Variants in ADGRL3 observed in about 807,000 individuals in gnomAD.
The protein encoded by ADGRL3 is calcium-independent alpha-latrotoxin receptor 3.
A neutral mutation model predicts 153.5 loss-of-function variants in ADGRL3; 62 were observed. The observed-to-expected ratio is 0.40, with a 90% CI of 0.33 to 0.50. The LOEUF is 0.50. ADGRL3 is among the 20% of genes least tolerant of loss of function. The pLI is 0.47. For synonymous variants in ADGRL3, 710 were observed against 672.5 expected (o/e 1.06, Z -0.86); for missense variants, 1,641 against 1,859.4 (o/e 0.88, Z 2.16).
In ADGRL3 at chr4:61,833,958, C is replaced by CTT. The variant is rs113049750; in HGVS notation, c.1480+20087_1480+20088dup. 2.3e-3 allele frequency among the ~76,000 whole-genome samples: 278 copies of CTT among 123,422 alleles called. 1 individual carries two copies. In the East Asian group the frequency reaches 0.039, roughly 17 times the overall value. The allele number at this position is 123,422 out of a possible 152,430, so 81.0% of individuals were successfully genotyped here. Reference sequence around the variant, plus strand: ...AGTCATAATTTTGCAAAGGCAGCTTCTTTTTTTTTTTTTTTTTTTATTGTA... The same window carrying CTT: ...AGTCATAATTTTGCAAAGGCAGCTTCTTTTTTTTTTTTTTTTTTTTTATTGTA... On this transcript the variant is annotated intron_variant, in intron 9 of 26. Transcript: ENST00000683033.
At chr4:61,490,632 A>G (rs1399632670) in intron 2 of ADGRL3, among the ~76,000 whole-genome samples, 1 of 152,074 alleles carries the variant, frequency 6.6e-6, no homozygotes, top group African/African-American at 2.4e-5. Flanking sequence ...GCTGCTGACT[A>G]AACTCAGTGG....
chr4:62,003,204 G>C (rs2099146472), intron 21 of ADGRL3, among the ~76,000 whole-genome samples: 1 of 151,974 alleles, frequency 6.6e-6, no homozygotes, highest in Non-Finnish European at 1.5e-5. Context: ...TCTCATCAAA[G>C]GACTTCTGCA....
intron 5 of ADGRL3, among the ~76,000 whole-genome samples, chr4:61,604,204 C>T (rs1175264931): frequency 6.6e-6 from 1 of 152,130 alleles, no homozygotes; most frequent in African/African-American, 2.4e-5. Context: ...CTCTGTAAGA[C>T]TAGAACCACG....
At chr4:61,454,565 A>T (rs892950925) in intron 2 of ADGRL3, among the ~76,000 whole-genome samples, 2 of 152,132 alleles carry the variant, frequency 1.3e-5, no homozygotes, top group African/African-American at 4.8e-5. Context: ...AATAAATCAT[A>T]AATTATTGAG....
chr4:61,304,134 T>G (rs1318620529), intron 1 of ADGRL3, among the ~76,000 whole-genome samples: 1 of 152,216 alleles, frequency 6.6e-6, no homozygotes, highest in Non-Finnish European at 1.5e-5. Context: ...TGTAGAATAT[T>G]TGTGCAGTAG....
rs1006848755 is a variant in ADGRL3, at chr4:61,583,689, T to A, written c.260-3538T>A. 7.7e-6 allele frequency: 4 copies of A among 518,618 alleles called. No individual in the cohort carries two copies. The Middle Eastern group carries it at 1.3e-3, about 165-fold the overall frequency. 32.1% of individuals were successfully genotyped at this position (518,618 alleles called of 1,614,324 possible). On this transcript the variant is annotated intron_variant, in intron 4 of 26. Coordinates refer to ENST00000683033, the MANE Select transcript of ADGRL3 (RefSeq NM_001387552.1). ...GTTCATGTCCCTTCAGTCAGTCCTG[T>A]GGTCAGTGAGTAGTTCCAAAGTGTG... is the stretch of plus-strand genomic sequence containing the variant.
intron 6 of ADGRL3, among the ~76,000 whole-genome samples, chr4:61,726,059 A>C (rs987785367): frequency 6.6e-6 from 1 of 152,262 alleles, no homozygotes; most frequent in Non-Finnish European, 1.5e-5. Flanking sequence ...CCTTATCCAA[A>C]ATTCTTGGGA....
intron 1 of ADGRL3, among the ~76,000 whole-genome samples, chr4:61,251,924 C>T (rs554192238): frequency 4.1e-5 from 6 of 147,416 alleles, no homozygotes; most frequent in African/African-American, 1.5e-4. Context: ...ACTTTTGTTG[C>T]CCAGGCTGGA....
At position 62,075,680 on chromosome 4, in the gene ADGRL3, T is replaced by A. The variant is rs912412463; in HGVS notation, c.*4772T>A. The A allele has an allele frequency of 6.6e-6, 1 of 152,154 alleles. No homozygotes were observed. The highest frequency in any genetic ancestry group is 1.5e-5 in the Non-Finnish European group (1 of 68,036). The allele number at this position is 152,154 out of a possible 1,614,324, so 9.4% of individuals were successfully genotyped here. A position where few individuals can be genotyped will look rare whatever the true frequency, so the allele number is the denominator to read the frequency against. On this transcript the variant is annotated 3_prime_UTR_variant, in exon 27 of 27. Transcript: ENST00000683033. ...CTTATATTAGATTTCTGCACATCAT[T>A]AAATTACGAAGATGGCACAAAAGCA...
chr4:61,832,546 G>A (rs2122642), intron 9 of ADGRL3, among the ~76,000 whole-genome samples: 50,402 of 151,958 alleles, frequency 0.33, 10,563 homozygotes, highest in East Asian at 0.63. Flanking sequence ...GTTCTGAGAC[G>A]TTTGAATTTT....
chr4:61,318,952 A>C (rs2095296340), intron 1 of ADGRL3, among the ~76,000 whole-genome samples: 1 of 152,210 alleles, frequency 6.6e-6, no homozygotes, highest in Non-Finnish European at 1.5e-5. Flanking sequence ...CAAGTTCTAT[A>C]AATTCATTCT....
intron 5 of ADGRL3, among the ~76,000 whole-genome samples, chr4:61,651,903 C>T (rs1022448626): frequency 1.3e-5 from 2 of 151,434 alleles, no homozygotes; most frequent in African/African-American, 4.9e-5. Context: ...GAGGGAGCCA[C>T]CGAACCTGGC....
At chr4:61,698,170 G>T (rs534403663) in intron 6 of ADGRL3, among the ~76,000 whole-genome samples, 1 of 152,236 alleles carries the variant, frequency 6.6e-6, no homozygotes, top group Admixed American at 6.5e-5. Context: ...AAATTACTGA[G>T]GCCGGGCGTG....
chr4:61,203,502 TGAG>T (rs1158120764), intron 1 of ADGRL3, among the ~76,000 whole-genome samples: 1 of 152,178 alleles, frequency 6.6e-6, no homozygotes, highest in African/African-American at 2.4e-5. Context: ...GCTGGGGAAA[TGAG>T]GAGACGCATA....
At chr4:61,372,771 C>T (rs1012197338) in intron 1 of ADGRL3, among the ~76,000 whole-genome samples, 3 of 152,144 alleles carry the variant, frequency 2.0e-5, no homozygotes, top group African/African-American at 7.2e-5. Flanking sequence ...TTCGAGCTTC[C>T]CGGCTGCTTT....
chr4:61,667,543 A>G (rs2094842882), intron 5 of ADGRL3, among the ~76,000 whole-genome samples: 2 of 152,202 alleles, frequency 1.3e-5, no homozygotes, highest in Non-Finnish European at 2.9e-5. Flanking sequence ...AATTTAATAT[A>G]AATCAGTGGA....
At chr4:61,672,875 C>G (rs538591832) in intron 5 of ADGRL3, among the ~76,000 whole-genome samples, 2 of 152,118 alleles carry the variant, frequency 1.3e-5, no homozygotes, top group Admixed American at 6.6e-5. Flanking sequence ...TCTGTAGTCT[C>G]ACGTTCCTTG....
chr4:61,389,327 A>G (rs918432023), intron 2 of ADGRL3, among the ~76,000 whole-genome samples: 1 of 152,212 alleles, frequency 6.6e-6, no homozygotes, highest in African/African-American at 2.4e-5. Flanking sequence ...GAAATCAGGA[A>G]TGAGTCGCAG....
At chr4:61,515,710 T>C (rs1430953732) in intron 3 of ADGRL3, among the ~76,000 whole-genome samples, 1 of 152,202 alleles carries the variant, frequency 6.6e-6, no homozygotes, top group Non-Finnish European at 1.5e-5. Flanking sequence ...TCTATTTTGA[T>C]AAGGTTTGGC....
Sources: allele counts gnomAD v4.1 joint callset (sites outside exome capture counted in the v4.1 genomes callset), GRCh38; gene constraint gnomAD v4.1.1; transcripts MANE v1.5; gene names NCBI Gene and HGNC (gene_info 2026-07-23, HGNC 2026-07-21).